NIN: variants seen among roughly 807,000 people sequenced by gnomAD.
NIN encodes ninein, also known as glycogen synthase kinase 3 beta-interacting protein.
A neutral mutation model predicts 257.6 loss-of-function variants in NIN; 137 were observed. The ratio of observed to expected loss-of-function variants is 0.53; its 90% CI spans 0.46 to 0.61. The LOEUF (loss-of-function observed/expected upper bound fraction) is 0.61, where lower values mean the gene tolerates loss of function less well. Among genes scored for constraint, NIN ranks in the 20% least tolerant of loss-of-function variants. The pLI is 0.00. For missense variants in NIN, 2,439 were observed against 2,501.2 expected (o/e 0.98, Z 0.53); for synonymous variants, 918 against 919.8 (o/e 1.00, Z 0.04).
At chr14:50,775,700 G>A (rs1376406151) in intron 7 of NIN, among the ~76,000 whole-genome samples, 2 of 152,150 alleles carry the variant, frequency 1.3e-5, no homozygotes, top group African/African-American at 2.4e-5. Context: ...AGAACATGCA[G>A]CTCTCCACAA....
At chr14:50,765,479 C>A (rs2042443369) in intron 14 of NIN, among the ~76,000 whole-genome samples, 1 of 152,138 alleles carries the variant, frequency 6.6e-6, no homozygotes, top group South Asian at 2.1e-4. Flanking sequence ...CTCATCTCTG[C>A]ACAATTAAAC....
Position 50,754,830 on chromosome 14 carries a change from A to T in NIN, c.4576T>A (p.Leu1526Met). The change falls in exon 19 of 31, where the codon TTG becomes ATG. Residue 1526 changes from leucine (L) to methionine (M), a missense_variant. Leu to Met is a conservative substitution (Grantham distance 15). Around this residue, in one of 3 missense-constraint regions of NIN, gnomAD observed 2,043 missense variants for 2,050.2 expected, o/e 1.00. Coordinates refer to ENST00000530997, the MANE Select transcript of NIN (RefSeq NM_020921.4). ...TTTAAAGTAGTAATTTCATTTCTCAAAATAGAATTTTCCTGTTGAAGCTTT... is the reference window on the plus strand; with the variant it reads ...TTTAAAGTAGTAATTTCATTTCTCATAATAGAATTTTCCTGTTGAAGCTTT... ...SEKLQQENSILRNEITTLNEE... is the reference protein window; with the variant it reads ...SEKLQQENSIMRNEITTLNEE... The T allele has an allele frequency of 6.3e-7, 1 of 1,581,462 alleles. No homozygotes were observed. Among genetic ancestry groups the T allele is most frequent in the African/African-American group, 1.4e-5 (1 of 73,398 alleles).
At position 50,771,135 on chromosome 14, in the gene NIN, C is replaced by G. The variant is rs1397883419; in HGVS notation, c.1119-143G>C. 7.6e-6 allele frequency: 9 copies of G among 1,186,218 alleles called. No individual in the cohort carries two copies. In the South Asian group the frequency reaches 1.3e-4, roughly 17 times the overall value. 73.5% of individuals were successfully genotyped at this position (1,186,218 alleles called of 1,614,324 possible). ...TCCCAAAGCAAAAAGGCACTCCACC[C>G]TTCCCTTCAAAAGCCTACATGTCAA... On this transcript the variant is annotated intron_variant, in intron 10 of 30. Transcript: ENST00000530997.
At chr14:50,817,991 CA>C (rs1185502579) in intron 3 of NIN, among the ~76,000 whole-genome samples, 1 of 148,908 alleles carries the variant, frequency 6.7e-6, no homozygotes, top group Non-Finnish European at 1.5e-5. Context: ...GCTAGGATTA[CA>C]GGCGTGAGTC....
At chr14:50,792,927 A>T in intron 4 of NIN, 46 bp from the exon 5 acceptor site, 1 of 1,583,128 alleles carries the variant, frequency 6.3e-7, no homozygotes, top group Non-Finnish European at 8.7e-7. Context: ...TGAGAATCTC[A>T]GTTCTTAGCT....
chr14:50,823,152 TGTG>T (rs773561390), intron 2 of NIN: 1,087 of 515,320 alleles, frequency 2.1e-3, no homozygotes, highest in Admixed American at 3.4e-3. Flanking sequence ...TAATGAAATC[TGTG>T]GTTTTTTTTT....
At chr14:50,808,505 G>A (rs2044434230) in intron 3 of NIN, among the ~76,000 whole-genome samples, 1 of 152,150 alleles carries the variant, frequency 6.6e-6, no homozygotes, top group Non-Finnish European at 1.5e-5. Context: ...TTCCTTCACT[G>A]CCTGATGTGA....
intron 2 of NIN, chr14:50,823,616 G>C: frequency 5.7e-6 from 1 of 175,050 alleles, no homozygotes; most frequent in South Asian, 1.0e-4. Flanking sequence ...GCAGAACTGG[G>C]TGGACACAGA....
chr14:50,747,403 T>G (rs2041594969), intron 22 of NIN, among the ~76,000 whole-genome samples: 1 of 152,208 alleles, frequency 6.6e-6, no homozygotes, highest in South Asian at 2.1e-4. Flanking sequence ...CAACAATTTC[T>G]TAAACTGAAG....
At chr14:50,774,060 A>G (rs1044559805) in intron 7 of NIN, among the ~76,000 whole-genome samples, 7 of 152,230 alleles carry the variant, frequency 4.6e-5, no homozygotes, top group African/African-American at 1.4e-4. Context: ...TGTTAAAATG[A>G]AGACTCTAAT....
intron 3 of NIN, among the ~76,000 whole-genome samples, chr14:50,811,956 CAA>C (rs71121604): frequency 1.1e-3 from 161 of 140,396 alleles, no homozygotes; most frequent in Middle Eastern, 3.6e-3. Context: ...ACTCCGTCTC[CAA>C]AAAAAAAAAA....
intron 4 of NIN, among the ~76,000 whole-genome samples, chr14:50,800,873 C>A (rs777264480): frequency 2.6e-5 from 4 of 151,686 alleles, no homozygotes; most frequent in Non-Finnish European, 5.9e-5. Flanking sequence ...ACCTCCGCCT[C>A]CTGGGTTCAA....
Position 50,739,400 on chromosome 14 carries a change from T to G in NIN, c.5536A>C (p.Asn1846His). ...LSWDKLDHLM[N>H]EEQQLLWQEN... ...TGCCAAAGCAGCTGCTGTTCCTCAT[T>G]CATCAGATGATCCAACTTGTCCCAG... Residue 1846 changes from asparagine to histidine, a missense_variant, in exon 26 of 31, where the codon AAT (asparagine) becomes CAT (histidine). By Grantham distance (68) the Asn-to-His change is moderately conservative (BLOSUM62 1). Around this residue, in one of 3 missense-constraint regions of NIN, gnomAD observed 2,043 missense variants for 2,050.2 expected, o/e 1.00. Coordinates refer to ENST00000530997, the MANE Select transcript of NIN (RefSeq NM_020921.4). 2 of 1,614,226 alleles carry G rather than the reference T, an allele frequency of 1.2e-6. No homozygotes were observed. Among genetic ancestry groups the G allele is most frequent in the Non-Finnish European group, 8.5e-7 (1 of 1,180,030 alleles).
chr14:50,822,333 G>C (rs1477200257), intron 2 of NIN, among the ~76,000 whole-genome samples: 1 of 152,186 alleles, frequency 6.6e-6, no homozygotes, highest in East Asian at 1.9e-4. Flanking sequence ...TTACCAGAAT[G>C]AGAGGGTCAC....
At chr14:50,812,345 G>C (rs2044671168) in intron 3 of NIN, among the ~76,000 whole-genome samples, 2 of 152,166 alleles carry the variant, frequency 1.3e-5, no homozygotes, top group Non-Finnish European at 2.9e-5. Context: ...AGCCTGCCTG[G>C]CTCAGGCCCA....
chr14:50,768,770 G>C (rs1337966253), intron 12 of NIN, among the ~76,000 whole-genome samples: 1 of 152,204 alleles, frequency 6.6e-6, no homozygotes, highest in African/African-American at 2.4e-5. Flanking sequence ...ATTTAGCTAA[G>C]TAACTGGTAG....
At chr14:50,727,870 C>A in intron 29 of NIN, 1 of 727,652 alleles carries the variant, frequency 1.4e-6, no homozygotes, top group Non-Finnish European at 2.2e-6. Flanking sequence ...ATTAACACTA[C>A]ATAGGCAAGC....
intron 17 of NIN, among the ~76,000 whole-genome samples, chr14:50,758,986 ATTCC>A (rs1566814779): frequency 6.6e-6 from 1 of 152,242 alleles, no homozygotes; most frequent in Non-Finnish European, 1.5e-5. Context: ...AATATATACC[ATTCC>A]TTCATTTTAA....
rs1049150930 is a variant in NIN at position 50,822,725 on chromosome 14, A to C, written c.-21-648T>G. On this transcript the variant is annotated intron_variant, in intron 2 of 30. Coordinates refer to ENST00000530997, the MANE Select transcript of NIN (RefSeq NM_020921.4). ...ACCTCCCTGTTTTACATGAAACTAAATGCCTTTTACACGAGTTCCTCAAAA... is the reference window on the plus strand; with the variant it reads ...ACCTCCCTGTTTTACATGAAACTAACTGCCTTTTACACGAGTTCCTCAAAA... Among the ~76,000 whole-genome samples, 22 of 152,298 alleles carry C rather than the reference A, an allele frequency of 1.4e-4. 1 individual carries two copies. The highest frequency in any genetic ancestry group is 1.4e-3 in the Admixed American group (22 of 15,292).
Sources: gnomAD v4.1 joint callset for allele counts (sites outside exome capture counted in the v4.1 genomes callset) on GRCh38, gnomAD v4.1.1 for gene constraint, gnomAD v4.1.1 regional missense constraint, MANE v1.5 for transcripts, NCBI Gene and HGNC (gene_info 2026-07-23, HGNC 2026-07-21) for gene names.